CALN1: variants seen among roughly 807,000 people sequenced by gnomAD.
CALN1 encodes calcium-binding protein 8.
Under a neutral mutation model 30.6 loss-of-function variants are expected in CALN1, and 17 were observed. That is an observed-to-expected ratio of 0.56 (90% CI 0.38 to 0.83). CALN1 has a LOEUF of 0.83. Ranked by LOEUF, CALN1 falls within the 40% of genes least tolerant of loss-of-function variation. The pLI, the probability that CALN1 is intolerant of heterozygous loss-of-function variation, is 0.00. For missense variants in CALN1, 291 were observed against 354.9 expected (o/e 0.82, Z 1.45); for synonymous variants, 156 against 131.4 (o/e 1.19, Z -1.28).
At chr7:71,847,511 AAAAC>A (rs1308401154) in intron 5 of CALN1, among the ~76,000 whole-genome samples, 7 of 151,292 alleles carry the variant, frequency 4.6e-5, no homozygotes, top group East Asian at 2.0e-4. Context: ...AACCAAAACC[AAAAC>A]CAAAAACAAA....
chr7:72,267,067 A>T (rs1486963701), intron 3 of CALN1, among the ~76,000 whole-genome samples: 1 of 152,188 alleles, frequency 6.6e-6, no homozygotes, highest in Non-Finnish European at 1.5e-5. Flanking sequence ...GGAGGAGAGA[A>T]CTTTGAGCCA....
intron 2 of CALN1, among the ~76,000 whole-genome samples, chr7:72,399,719 T>A (rs1285644716): frequency 6.6e-6 from 1 of 152,112 alleles, no homozygotes; most frequent in Non-Finnish European, 1.5e-5. Context: ...AAGACATACA[T>A]CTAATAGCTC....
At chr7:72,282,516 T>C (rs1797798582) in intron 2 of CALN1, among the ~76,000 whole-genome samples, 1 of 152,142 alleles carries the variant, frequency 6.6e-6, no homozygotes, top group Non-Finnish European at 1.5e-5. Flanking sequence ...TTAATACCCT[T>C]ATAAAAGGGT....
chr7:72,047,340 T>A (rs571990383), intron 4 of CALN1, among the ~76,000 whole-genome samples: 1 of 152,252 alleles, frequency 6.6e-6, no homozygotes, highest in Admixed American at 6.5e-5. Flanking sequence ...CGTGGCTACC[T>A]GTAATTTCAG....
chr7:72,143,769 C>A (rs1160654800), intron 3 of CALN1, among the ~76,000 whole-genome samples: 3 of 148,378 alleles, frequency 2.0e-5, no homozygotes, highest in Admixed American at 1.4e-4. Flanking sequence ...AGACTAACAG[C>A]TGATCTCTCG....
At chr7:71,912,027 AT>A (rs1466405359) in intron 5 of CALN1, among the ~76,000 whole-genome samples, 1 of 151,656 alleles carries the variant, frequency 6.6e-6, no homozygotes, top group Admixed American at 6.6e-5. Context: ...CTTGTGGATA[AT>A]TTTTTCCTCT....
At chr7:72,248,016 AC>A (rs1228289915) in intron 3 of CALN1, among the ~76,000 whole-genome samples, 3 of 152,158 alleles carry the variant, frequency 2.0e-5, no homozygotes, top group Non-Finnish European at 4.4e-5. Context: ...ACAAAGAAAA[AC>A]ACAAATGTAT....
intron 5 of CALN1, among the ~76,000 whole-genome samples, chr7:72,018,430 C>T (rs1800522878): frequency 6.6e-6 from 1 of 152,166 alleles, no homozygotes; most frequent in Non-Finnish European, 1.5e-5. Context: ...CACAGTTTCA[C>T]ATTTCCTCAG....
At chr7:72,106,975 GAGAAAGAAAGAAAGGAAAGAAAGAAAAAT>G (rs1807210924) in intron 3 of CALN1, among the ~76,000 whole-genome samples, 2 of 149,890 alleles carry the variant, frequency 1.3e-5, no homozygotes, top group Admixed American at 1.3e-4. Context: ...GGGAGAAAGA[GAGAAAGAAAGAAAGGAAAGAAAGAAAAAT>G]AGAAAGAAAG....
At chr7:72,169,775 C>G (rs1478257647) in intron 3 of CALN1, among the ~76,000 whole-genome samples, 6 of 150,084 alleles carry the variant, frequency 4.0e-5, no homozygotes, top group Non-Finnish European at 5.9e-5. Context: ...CTGCAACTTC[C>G]ACCTCCTGGG....
intron 3 of CALN1, among the ~76,000 whole-genome samples, chr7:72,107,398 G>A (rs1351581489): frequency 6.6e-6 from 1 of 152,190 alleles, no homozygotes; most frequent in Non-Finnish European, 1.5e-5. Flanking sequence ...AGATCAATAA[G>A]AGCATCGTGA....
chr7:72,306,870 A>G (rs1799690495), intron 2 of CALN1, among the ~76,000 whole-genome samples: 1 of 151,986 alleles, frequency 6.6e-6, no homozygotes, highest in South Asian at 2.1e-4. Flanking sequence ...GGTCACTCCT[A>G]TTTGGCTCAG....
chr7:72,388,684 A>C (rs752476105), intron 2 of CALN1, among the ~76,000 whole-genome samples: 1 of 152,206 alleles, frequency 6.6e-6, no homozygotes, highest in Non-Finnish European at 1.5e-5. Context: ...TCTCCCTAAA[A>C]GATGGCCTAA....
At chr7:72,030,554 C>T (rs568913281) in intron 4 of CALN1, among the ~76,000 whole-genome samples, 1 of 152,056 alleles carries the variant, frequency 6.6e-6, no homozygotes, top group Non-Finnish European at 1.5e-5. Context: ...GATCCCTATG[C>T]CCCCACACCC....
At chr7:71,950,403 T>C (rs1055481995) in intron 5 of CALN1, among the ~76,000 whole-genome samples, 1 of 152,202 alleles carries the variant, frequency 6.6e-6, no homozygotes, top group Admixed American at 6.5e-5. Flanking sequence ...CCACGCATTT[T>C]TGGATATTGC....
chr7:71,933,834 G>A (rs1795686731), intron 5 of CALN1, among the ~76,000 whole-genome samples: 1 of 152,138 alleles, frequency 6.6e-6, no homozygotes, highest in Non-Finnish European at 1.5e-5. Context: ...GTTCGGAGCA[G>A]TATTGATAAT....
intron 6 of CALN1, among the ~76,000 whole-genome samples, chr7:71,794,660 A>C (rs1201922216): frequency 6.6e-6 from 1 of 152,246 alleles, no homozygotes; most frequent in Non-Finnish European, 1.5e-5. Flanking sequence ...AGAGAAATAC[A>C]AAATTTCATT....
chr7:71,866,503 A>T (rs1397579600), intron 5 of CALN1, among the ~76,000 whole-genome samples: 3 of 152,142 alleles, frequency 2.0e-5, no homozygotes, highest in African/African-American at 7.2e-5. Flanking sequence ...TCCATATGTT[A>T]TTGGTAAAAA....
At chr7:71,941,976 A>G (rs2129522747) in intron 5 of CALN1, among the ~76,000 whole-genome samples, 1 of 152,280 alleles carries the variant, frequency 6.6e-6, no homozygotes, top group East Asian at 1.9e-4. Flanking sequence ...AGGTAGGCAG[A>G]TCATCTGAGG....
Sources: allele counts gnomAD v4.1 joint callset (sites outside exome capture counted in the v4.1 genomes callset), GRCh38; gene constraint gnomAD v4.1.1; transcripts MANE v1.5; gene names NCBI Gene and HGNC (gene_info 2026-07-23, HGNC 2026-07-21).